Variants in PCDHA10 observed in about 807,000 individuals in gnomAD.
The protein encoded by PCDHA10 is protocadherin alpha-10.
Under a neutral mutation model 61.2 loss-of-function variants are expected in PCDHA10, and 45 were observed. The observed-to-expected ratio is 0.74, with a 90% CI of 0.58 to 0.94. PCDHA10 has a LOEUF of 0.94. PCDHA10 is among the 40% of genes least tolerant of loss of function. The pLI, the probability that PCDHA10 is intolerant of heterozygous loss-of-function variation, is 0.00. For synonymous variants in PCDHA10, 602 were observed against 548.8 expected, an observed-to-expected ratio of 1.10 and a Z score of -1.35; for missense variants, 1,278 against 1,236.2, an observed-to-expected ratio of 1.03 and a Z score of -0.51.
chr5:140,944,277 C>T (rs922160593), intron 1 of PCDHA10, among the ~76,000 whole-genome samples: 1 of 152,044 alleles, frequency 6.6e-6, no homozygotes, highest in Non-Finnish European at 1.5e-5. Flanking sequence ...AGCCTTGACA[C>T]CCCGGGCTCA....
chr5:140,857,763 C>T lies in PCDHA10; in HGVS notation c.1715C>T (p.Ala572Val), dbSNP rs782102895. The T allele has an allele frequency of 2.5e-6, 4 of 1,597,078 alleles. No individual in the cohort carries two copies. The highest frequency in any genetic ancestry group is 2.2e-5 in the East Asian group (1 of 44,810). Reference sequence around the variant, plus strand: ...CTGCTGGCGTCTCCCGCTGGCAGCGCGGGCGGTGCAGTCAGTGAGCTGGTG... The same window carrying T: ...CTGCTGGCGTCTCCCGCTGGCAGCGTGGGCGGTGCAGTCAGTGAGCTGGTG... ...PALLASPAGSAGGAVSELVLR... is the reference protein window; with the variant it reads ...PALLASPAGSVGGAVSELVLR... The change falls in exon 1 of 4, where the codon GCG becomes GTG. Residue 572 changes from alanine (A) to valine (V), a missense_variant. By Grantham distance (64) the Ala-to-Val change is moderately conservative (BLOSUM62 0). Transcript: ENST00000307360.
At chr5:140,964,383 G>A (rs543441248) in intron 1 of PCDHA10, among the ~76,000 whole-genome samples, 1 of 152,142 alleles carries the variant, frequency 6.6e-6, no homozygotes, top group Non-Finnish European at 1.5e-5. Context: ...GAGAGTCCTG[G>A]TTTTTCTCCC....
chr5:140,898,423 C>T (rs1257208141), intron 1 of PCDHA10, among the ~76,000 whole-genome samples: 1 of 152,106 alleles, frequency 6.6e-6, no homozygotes, highest in African/African-American at 2.4e-5. Flanking sequence ...GCCAGTTTTC[C>T]CAGCACCATT....
intron 1 of PCDHA10, chr5:140,882,663 T>C (rs782768442): frequency 4.0e-5 from 65 of 1,614,026 alleles, no homozygotes; most frequent in Non-Finnish European, 5.3e-5. Flanking sequence ...AACCCGCCCA[T>C]ATTCCCTGAA....
chr5:140,869,687 T>C, intron 1 of PCDHA10: 1 of 1,613,474 alleles, frequency 6.2e-7, no homozygotes, highest in Non-Finnish European at 8.5e-7. Context: ...CTGTCACTTA[T>C]TTTAAAGAAG....
At chr5:140,887,369 T>C (rs782675531) in intron 1 of PCDHA10, among the ~76,000 whole-genome samples, 1 of 152,200 alleles carries the variant, frequency 6.6e-6, no homozygotes, top group Non-Finnish European at 1.5e-5. Context: ...GTGCTGGGAT[T>C]ACAGGTGTGA....
In PCDHA10 at chr5:140,857,751, C is replaced by T. The variant is rs2044861068; in HGVS notation, c.1703C>T (p.Pro568Leu). The T allele has an allele frequency of 3.1e-6, 5 of 1,597,310 alleles. 1 individual carries two copies. Among genetic ancestry groups the T allele is most frequent in the East Asian group, 4.5e-5 (2 of 44,822 alleles). ...NDNAPALLAS[P>L]AGSAGGAVSE... is the part of the protein sequence containing the mutation. ...AACGCTCCCGCGCTGCTGGCGTCTCCCGCTGGCAGCGCGGGCGGTGCAGTC... is the reference window on the plus strand; with the variant it reads ...AACGCTCCCGCGCTGCTGGCGTCTCTCGCTGGCAGCGCGGGCGGTGCAGTC... Residue 568 changes from proline to leucine, a missense_variant, in exon 1 of 4, where the codon CCC (proline) becomes CTC (leucine). Coordinates refer to ENST00000307360, the MANE Select transcript of PCDHA10 (RefSeq NM_018901.4).
At chr5:140,859,573 C>T (rs1254151950) in intron 1 of PCDHA10, 4 of 174,136 alleles carry the variant, frequency 2.3e-5, no homozygotes, top group African/African-American at 9.5e-5. Flanking sequence ...ATGAATTTGT[C>T]ATCTTGCCTA....
At chr5:140,877,928 TTC>T in intron 1 of PCDHA10, 1 of 1,415,260 alleles carries the variant, frequency 7.1e-7, no homozygotes, top group Non-Finnish European at 9.3e-7. Context: ...TTCTTTATGA[TTC>T]TATCCTTTAA....
intron 1 of PCDHA10, chr5:140,862,804 C>A: frequency 5.2e-6 from 3 of 574,138 alleles, no homozygotes; most frequent in Non-Finnish European, 6.7e-6. Context: ...GCTGGAGCTG[C>A]TGCAGTTCTA....
At chr5:140,971,207 A>C (rs2096463327) in intron 1 of PCDHA10, among the ~76,000 whole-genome samples, 1 of 152,050 alleles carries the variant, frequency 6.6e-6, no homozygotes, top group South Asian at 2.1e-4. Flanking sequence ...AGACACTGTT[A>C]CCCTCCCTCT....
intron 1 of PCDHA10, chr5:140,870,744 C>T (rs1432638683): frequency 6.2e-7 from 1 of 1,613,474 alleles, no homozygotes; most frequent in Non-Finnish European, 8.5e-7. Context: ...TGAGCAGCAA[C>T]GTGACGCTGC....
intron 1 of PCDHA10, among the ~76,000 whole-genome samples, chr5:140,951,417 C>G (rs1259525145): frequency 6.6e-6 from 1 of 152,044 alleles, no homozygotes; most frequent in Non-Finnish European, 1.5e-5. Context: ...AATTGGCTCA[C>G]AGTTCCACAG....
intron 1 of PCDHA10, among the ~76,000 whole-genome samples, chr5:140,907,440 C>T (rs781836409): frequency 4.6e-5 from 7 of 152,222 alleles, no homozygotes; most frequent in Non-Finnish European, 1.0e-4. Flanking sequence ...TGTGAGTCCA[C>T]AGATGGTAAT....
chr5:140,896,738 T>C (rs2065731964), intron 1 of PCDHA10, among the ~76,000 whole-genome samples: 2 of 152,180 alleles, frequency 1.3e-5, no homozygotes, highest in African/African-American at 4.8e-5. Context: ...AAGTTCCTTA[T>C]AGATTCTGGA....
intron 1 of PCDHA10, chr5:140,871,156 G>A (rs200268029): frequency 4.7e-5 from 76 of 1,613,328 alleles, no homozygotes; most frequent in Admixed American, 3.0e-4. Context: ...TTTGGCGGGC[G>A]CCGCGAGCCC....
In PCDHA10 at chr5:140,928,550, C is replaced by T. The variant is rs781857799; in HGVS notation, c.2389-50399C>T. The T allele has an allele frequency of 3.7e-6, 6 of 1,614,160 alleles. No individual in the cohort carries two copies. Among genetic ancestry groups the T allele is most frequent in the South Asian group, 3.3e-5 (3 of 91,084 alleles). On this transcript the variant is annotated intron_variant, in intron 1 of 3. Transcript: ENST00000307360. ...GTGGTAGATAGGAATGACAATTATC[C>T]GGTTATCTTGTTTCCCTTGCCCAGA...
chr5:140,912,380 G>T (rs2075901164), intron 1 of PCDHA10, among the ~76,000 whole-genome samples: 1 of 150,372 alleles, frequency 6.7e-6, no homozygotes, highest in African/African-American at 2.4e-5. Flanking sequence ...AAAAGGGATT[G>T]AGTTCTTAAT....
chr5:140,952,565 C>T (rs1255567969), intron 1 of PCDHA10, among the ~76,000 whole-genome samples: 3 of 152,142 alleles, frequency 2.0e-5, no homozygotes, highest in African/African-American at 4.8e-5. Flanking sequence ...ATCAGCACTT[C>T]GGTCCCAATC....
Sources: allele counts gnomAD v4.1 joint callset (sites outside exome capture counted in the v4.1 genomes callset), GRCh38; gene constraint gnomAD v4.1.1; transcripts MANE v1.5; gene names NCBI Gene and HGNC (gene_info 2026-07-23, HGNC 2026-07-21).